The following SUSD4 variants were observed in gnomAD, a reference collection of about 807,000 sequenced individuals.
The protein encoded by SUSD4 is sushi domain-containing protein 4.
SUSD4 carries 41 observed loss-of-function variants against 50.5 expected under a neutral mutation model. The observed-to-expected ratio is 0.81, with a 90% CI of 0.63 to 1.05. The LOEUF is 1.05. SUSD4 is among the 50% of genes least tolerant of loss of function. The probability of loss-of-function intolerance (pLI) is 0.00; values close to 1 mark genes in which losing one functional copy is unlikely to be tolerated. For synonymous variants in SUSD4, 257 were observed against 257.3 expected (o/e 1.00, Z 0.01); for missense variants, 580 against 634.7 (o/e 0.91, Z 0.93).
At chr1:223,241,086 T>G (rs2103022033) in intron 5 of SUSD4, among the ~76,000 whole-genome samples, 1 of 152,168 alleles carries the variant, frequency 6.6e-6, no homozygotes, top group South Asian at 2.1e-4. Flanking sequence ...GGGGCAGGAG[T>G]TGGGTGCTTC....
At chr1:223,264,910 C>T (rs978508744) in intron 4 of SUSD4, 92 bp from the exon 5 acceptor site, 5 of 1,336,222 alleles carry the variant, frequency 3.7e-6, no homozygotes, top group Admixed American at 4.9e-5. Context: ...TTTAGGATTC[C>T]CCCACCTCTG....
intron 5 of SUSD4, among the ~76,000 whole-genome samples, chr1:223,232,582 G>A (rs1034515230): frequency 6.6e-6 from 1 of 152,208 alleles, no homozygotes; most frequent in Admixed American, 6.5e-5. Flanking sequence ...GTTATCAGCA[G>A]CATTTTTTTC....
chr1:223,361,497 G>C (rs925775807), intron 2 of SUSD4, among the ~76,000 whole-genome samples: 1 of 152,024 alleles, frequency 6.6e-6, no homozygotes, highest in African/African-American at 2.4e-5. Context: ...CCACAGGAAG[G>C]CAGGGAAAAA....
intron 2 of SUSD4, among the ~76,000 whole-genome samples, chr1:223,296,744 G>T (rs1424100589): frequency 1.3e-5 from 2 of 152,160 alleles, no homozygotes; most frequent in East Asian, 3.9e-4. Context: ...CTGTTCTTGT[G>T]ATAGTGAATG....
chr1:223,347,722 C>A, intron 2 of SUSD4, among the ~76,000 whole-genome samples: 1 of 70,460 alleles, frequency 1.4e-5, no homozygotes, highest in African/African-American at 6.3e-5. Context: ...ATCTAAGGCG[C>A]TATTTTACAA....
intron 5 of SUSD4, among the ~76,000 whole-genome samples, chr1:223,255,612 T>A (rs1661629764): frequency 6.6e-6 from 1 of 152,102 alleles, no homozygotes; most frequent in African/African-American, 2.4e-5. Flanking sequence ...GAGCCTTATG[T>A]TCCAGAACCC....
intron 5 of SUSD4, among the ~76,000 whole-genome samples, chr1:223,240,835 T>C (rs1221744974): frequency 6.6e-6 from 1 of 152,214 alleles, no homozygotes; most frequent in Non-Finnish European, 1.5e-5. Context: ...TTTTGCCTTT[T>C]AATATCTCTT....
chr1:223,230,902 G>A (rs564660143), intron 5 of SUSD4, among the ~76,000 whole-genome samples: 1 of 152,312 alleles, frequency 6.6e-6, no homozygotes, highest in African/African-American at 2.4e-5. Context: ...AAATGCTGGT[G>A]AGGGCTTAGT....
chr1:223,223,155 T>TG, intron 8 of SUSD4, 94 bp downstream of exon 8: 1 of 1,475,040 alleles, frequency 6.8e-7, no homozygotes, highest in South Asian at 1.4e-5. Flanking sequence ...GACTCTGTGC[T>TG]GGGGGGTGGA....
At chr1:223,334,859 C>T (rs576711893) in intron 2 of SUSD4, among the ~76,000 whole-genome samples, 9 of 152,138 alleles carry the variant, frequency 5.9e-5, no homozygotes, top group Admixed American at 2.0e-4. Context: ...ACCCTTTCCC[C>T]GAGTCCCCAA....
At chr1:223,279,470 C>T (rs2103110936) in intron 3 of SUSD4, among the ~76,000 whole-genome samples, 2 of 152,276 alleles carry the variant, frequency 1.3e-5, no homozygotes, top group East Asian at 3.9e-4. Context: ...GAAAGGGTAT[C>T]AGTGACTGAA....
chr1:223,238,890 A>T (rs1187083796), intron 5 of SUSD4, among the ~76,000 whole-genome samples: 1 of 151,808 alleles, frequency 6.6e-6, no homozygotes, highest in Non-Finnish European at 1.5e-5. Flanking sequence ...GTCCTCACTG[A>T]TTTTCTGCCT....
At chr1:223,323,862 T>C (rs1666727508) in intron 2 of SUSD4, among the ~76,000 whole-genome samples, 1 of 151,918 alleles carries the variant, frequency 6.6e-6, no homozygotes, top group Non-Finnish European at 1.5e-5. Context: ...GGAGAACATC[T>C]GAGAAGCAGA....
chr1:223,302,653 A>T (rs1192037641), intron 2 of SUSD4, among the ~76,000 whole-genome samples: 1 of 152,212 alleles, frequency 6.6e-6, no homozygotes, highest in Non-Finnish European at 1.5e-5. Context: ...GGACTGCCAA[A>T]CATTTTCCAG....
intron 2 of SUSD4, among the ~76,000 whole-genome samples, chr1:223,338,484 C>T (rs967153077): frequency 2.0e-5 from 3 of 152,160 alleles, no homozygotes; most frequent in Non-Finnish European, 4.4e-5. Context: ...TCTATCTCCC[C>T]CTGCAGCAAG....
In SUSD4 at chr1:223,252,236, A is replaced by AAAAAATATATAT. The variant is rs1343732568; in HGVS notation, c.724+12393_724+12394insATATATATTTTT. Among the ~76,000 whole-genome samples the AAAAAATATATAT allele has an allele frequency of 4.2e-3, 372 of 89,516 alleles. 3 individuals are homozygous for AAAAAATATATAT. The highest frequency in any genetic ancestry group is 0.014 in the African/African-American group (331 of 24,410). 58.7% of individuals were successfully genotyped at this position (89,516 alleles called of 152,430 possible). A position where few individuals can be genotyped will look rare whatever the true frequency, so the allele number is the denominator to read the frequency against. ...AGTATAATTAAAAAAAAAAAAAAAA[A>AAAAAATATATAT]ATATATATATATATATATAAAAGAA... On this transcript the variant is annotated intron_variant, in intron 5 of 8. Coordinates refer to ENST00000366878, the MANE Select transcript of SUSD4 (RefSeq NM_017982.4).
intron 2 of SUSD4, among the ~76,000 whole-genome samples, chr1:223,322,919 A>C (rs1666663277): frequency 6.6e-6 from 1 of 152,230 alleles, no homozygotes; most frequent in Non-Finnish European, 1.5e-5. Flanking sequence ...ACACAATTAC[A>C]GCTAAGCCTT....
intron 5 of SUSD4, among the ~76,000 whole-genome samples, chr1:223,258,643 G>A (rs769037378): frequency 6.6e-6 from 1 of 152,086 alleles, no homozygotes; most frequent in South Asian, 2.1e-4. Context: ...TGGCAGCCAC[G>A]AGGCTGAAAA....
At chr1:223,275,848 G>A (rs1162127592) in intron 3 of SUSD4, among the ~76,000 whole-genome samples, 1 of 152,180 alleles carries the variant, frequency 6.6e-6, no homozygotes, top group Admixed American at 6.5e-5. Flanking sequence ...TTTAACAAGC[G>A]CTGGCCCATC....
Sources: allele counts gnomAD v4.1 joint callset (sites outside exome capture counted in the v4.1 genomes callset), GRCh38; gene constraint gnomAD v4.1.1; transcripts MANE v1.5; gene names NCBI Gene and HGNC (gene_info 2026-07-23, HGNC 2026-07-21).